NRXN3: variants seen among roughly 807,000 people sequenced by gnomAD.
The protein encoded by NRXN3 is neurexin III.
In NRXN3, 32 loss-of-function variants were observed where a neutral mutation model predicts 137.6. That is an observed-to-expected ratio of 0.23 (90% CI 0.18 to 0.31). The LOEUF is 0.31. Among genes scored for constraint, NRXN3 ranks in the 10% least tolerant of loss-of-function variants. NRXN3 has a pLI of 1.00. For missense variants in NRXN3, 1,574 were observed against 2,062.5 expected, an observed-to-expected ratio of 0.76 and a Z score of 4.59; for synonymous variants, 798 against 784.5, an observed-to-expected ratio of 1.02 and a Z score of -0.29.
At chr14:79,772,020 G>T (rs1196062755) in intron 19 of NRXN3, among the ~76,000 whole-genome samples, 77 of 138,106 alleles carry the variant, frequency 5.6e-4, no homozygotes, top group Middle Eastern at 7.4e-3. Context: ...TGAACTCCCA[G>T]TCACAATTGC....
intron 16 of NRXN3, among the ~76,000 whole-genome samples, chr14:79,640,008 G>A (rs1402936237): frequency 2.3e-5 from 2 of 86,644 alleles, no homozygotes; most frequent in African/African-American, 5.5e-5. Flanking sequence ...TAGGAATATT[G>A]TTGAGGCAGT....
chr14:79,507,185 A>G (rs2096886953), intron 16 of NRXN3, among the ~76,000 whole-genome samples: 1 of 152,224 alleles, frequency 6.6e-6, no homozygotes, highest in African/African-American at 2.4e-5. Flanking sequence ...CTAACTTGGA[A>G]GGAAAAATGA....
At chr14:79,664,924 T>A (rs1415133673) in intron 17 of NRXN3, among the ~76,000 whole-genome samples, 5 of 152,150 alleles carry the variant, frequency 3.3e-5, no homozygotes, top group Non-Finnish European at 4.4e-5. Context: ...CTCACAATTT[T>A]CTCACCACTT....
At chr14:79,364,023 G>A (rs1292234223) in intron 15 of NRXN3, among the ~76,000 whole-genome samples, 1 of 152,166 alleles carries the variant, frequency 6.6e-6, no homozygotes, top group Non-Finnish European at 1.5e-5. Flanking sequence ...TCAGCAGTCA[G>A]TGTGTATGAA....
chr14:79,325,637 G>C (rs922069310), intron 15 of NRXN3, among the ~76,000 whole-genome samples: 2 of 152,186 alleles, frequency 1.3e-5, no homozygotes, highest in African/African-American at 4.8e-5. Flanking sequence ...GCAGGTGAAA[G>C]CGTGTCTGTG....
intron 10 of NRXN3, among the ~76,000 whole-genome samples, chr14:78,948,596 TACTC>T (rs2099375168): frequency 6.6e-6 from 1 of 150,650 alleles, no homozygotes; most frequent in African/African-American, 2.4e-5. Flanking sequence ...ATATTTTTCA[TACTC>T]ACTTTCATTT....
At chr14:79,403,703 T>C (rs2095255323) in intron 15 of NRXN3, among the ~76,000 whole-genome samples, 1 of 152,078 alleles carries the variant, frequency 6.6e-6, no homozygotes, top group Non-Finnish European at 1.5e-5. Flanking sequence ...TTCCCTGTGC[T>C]GGTATAAATT....
intron 15 of NRXN3, among the ~76,000 whole-genome samples, chr14:79,384,937 C>G (rs987093316): frequency 2.0e-5 from 3 of 152,148 alleles, no homozygotes; most frequent in Non-Finnish European, 1.5e-5. Flanking sequence ...TGCTATCATT[C>G]TTGCTACTGT....
At chr14:79,049,022 C>CAAAAA (rs1171306670) in intron 15 of NRXN3, among the ~76,000 whole-genome samples, 2 of 29,484 alleles carry the variant, frequency 6.8e-5, no homozygotes, top group Admixed American at 7.3e-4. Context: ...AACTCCGTCT[C>CAAAAA]AAAAAAAAAA....
intron 19 of NRXN3, among the ~76,000 whole-genome samples, chr14:79,750,262 G>A (rs1490071016): frequency 6.6e-6 from 1 of 152,126 alleles, no homozygotes; most frequent in Non-Finnish European, 1.5e-5. Flanking sequence ...AAACCAGGGA[G>A]AAGTAATAAG....
At chr14:79,129,067 T>C (rs1174101102) in intron 15 of NRXN3, among the ~76,000 whole-genome samples, 1 of 152,224 alleles carries the variant, frequency 6.6e-6, no homozygotes, top group East Asian at 1.9e-4. Context: ...TTCTTCTCTC[T>C]TTTTTTCTTT....
chr14:78,617,795 T>C (rs887245432), intron 4 of NRXN3, among the ~76,000 whole-genome samples: 2 of 152,038 alleles, frequency 1.3e-5, no homozygotes, highest in African/African-American at 4.8e-5. Context: ...GTACAAAGTA[T>C]GTGTACATAT....
chr14:78,317,292 G>C (rs1206912475), intron 4 of NRXN3, among the ~76,000 whole-genome samples: 1 of 152,200 alleles, frequency 6.6e-6, no homozygotes, highest in East Asian at 1.9e-4. Context: ...TTCATGACCT[G>C]TTGGGAACCA....
At chr14:79,799,277 A>C (rs2099169827) in intron 19 of NRXN3, among the ~76,000 whole-genome samples, 1 of 152,212 alleles carries the variant, frequency 6.6e-6, no homozygotes, top group African/African-American at 2.4e-5. Flanking sequence ...TATTGTTTTA[A>C]ATATAGGACT....
At chr14:78,930,266 G>A (rs1328322519) in intron 10 of NRXN3, among the ~76,000 whole-genome samples, 1 of 152,158 alleles carries the variant, frequency 6.6e-6, no homozygotes, top group Non-Finnish European at 1.5e-5. Context: ...TGATAAGGAC[G>A]CTGAGAGAGA....
chr14:78,974,248 C>T (rs554836844), intron 14 of NRXN3, among the ~76,000 whole-genome samples: 3 of 152,126 alleles, frequency 2.0e-5, no homozygotes, highest in Non-Finnish European at 4.4e-5. Context: ...GGGCAGGACT[C>T]AATCTGAATG....
At chr14:79,164,176 T>G (rs998426494) in intron 15 of NRXN3, among the ~76,000 whole-genome samples, 1 of 152,014 alleles carries the variant, frequency 6.6e-6, no homozygotes, top group African/African-American at 2.4e-5. Context: ...CTTAGGATAC[T>G]CTTCTCCACT....
intron 3 of NRXN3, among the ~76,000 whole-genome samples, chr14:78,297,233 G>T (rs983382910): frequency 1.3e-5 from 2 of 152,164 alleles, no homozygotes; most frequent in East Asian, 3.9e-4. Context: ...ACAGTTCCAG[G>T]TTGTCTGAGC....
chr14:78,258,422 A>C (rs2070056152), intron 2 of NRXN3, among the ~76,000 whole-genome samples: 1 of 151,268 alleles, frequency 6.6e-6, no homozygotes, highest in Non-Finnish European at 1.5e-5. Flanking sequence ...AGGTGGGGGC[A>C]ATGGTTGGCA....
Sources: allele counts gnomAD v4.1 joint callset (sites outside exome capture counted in the v4.1 genomes callset), GRCh38; gene constraint gnomAD v4.1.1; transcripts MANE v1.5; gene names NCBI Gene and HGNC (gene_info 2026-07-23, HGNC 2026-07-21).